The following EML2 variants were observed in gnomAD, a reference collection of about 807,000 sequenced individuals.
The protein encoded by EML2 is EMAP like 2.
A neutral mutation model predicts 84.7 loss-of-function variants in EML2; 59 were observed. The observed-to-expected ratio is 0.70, with a 90% CI of 0.56 to 0.86. The LOEUF (loss-of-function observed/expected upper bound fraction) is 0.86, where lower values mean the gene tolerates loss of function less well. Among genes scored for constraint, EML2 ranks in the 40% least tolerant of loss-of-function variants. The pLI is 0.00. For synonymous variants in EML2, 352 were observed against 348.9 expected (o/e 1.01, Z -0.10); for missense variants, 818 against 855.6 (o/e 0.96, Z 0.55).
At chr19:45,637,390 G>A (rs1973845638) in intron 3 of EML2, among the ~76,000 whole-genome samples, 1 of 151,190 alleles carries the variant, frequency 6.6e-6, no homozygotes, top group Admixed American at 6.6e-5. Flanking sequence ...GAGGCCACTA[G>A]TTGTAAAAAA....
At chr19:45,610,000 G>A (rs1316717395) in intron 18 of EML2, among the ~76,000 whole-genome samples, 2 of 151,832 alleles carry the variant, frequency 1.3e-5, no homozygotes, top group Non-Finnish European at 2.9e-5. Flanking sequence ...CTCCCAAGAA[G>A]TAGCTGGGAT....
At chr19:45,617,293 C>G (rs554391479) in intron 13 of EML2, among the ~76,000 whole-genome samples, 34 of 151,638 alleles carry the variant, frequency 2.2e-4, no homozygotes, top group Non-Finnish European at 4.3e-4. Flanking sequence ...CGGTGGCTCA[C>G]GCCTGTAATC....
chr19:45,630,077 G>C, intron 6 of EML2, 31 bp from the exon 7 acceptor site: 1 of 1,546,928 alleles, frequency 6.5e-7, no homozygotes. Flanking sequence ...GGGGGACAGA[G>C]GCAAGGGGAG....
chr19:45,625,114 C>T (rs184842095), intron 8 of EML2, among the ~76,000 whole-genome samples: 1 of 152,258 alleles, frequency 6.6e-6, no homozygotes, highest in Non-Finnish European at 1.5e-5. Context: ...TCATCTAGAC[C>T]GGAGTGCAGT....
chr19:45,618,742 T>G, intron 12 of EML2: 1 of 157,258 alleles, frequency 6.4e-6, no homozygotes, highest in Non-Finnish European at 1.4e-5. Context: ...AGGTCAGGAG[T>G]TCGAGACCAG....
At chr19:45,642,240 C>T, upstream of EML2, 2 of 1,535,902 alleles carry the variant, frequency 1.3e-6, no homozygotes, top group African/African-American at 1.4e-5. Context: ...GCAGAGCATC[C>T]GCCAGCGCCG....
upstream of EML2, chr19:45,642,289 CG>C: frequency 2.0e-6 from 3 of 1,535,934 alleles, no homozygotes; most frequent in Non-Finnish European, 2.6e-6. Flanking sequence ...TAACTGCAGC[CG>C]CTGCTCCAGC....
chr19:45,643,355 A>T (rs1284384294), upstream of EML2, among the ~76,000 whole-genome samples: 2 of 152,190 alleles, frequency 1.3e-5, no homozygotes, highest in Non-Finnish European at 2.9e-5. Flanking sequence ...AGGGAGATGC[A>T]GACCGGATTG....
In EML2 at chr19:45,628,659, C is replaced by T. The variant is rs1214678741; in HGVS notation, c.606+1292G>A. On this transcript the variant is annotated intron_variant, in intron 7 of 18. Transcript: ENST00000245925. ...CCAACATGGTGAAACCCCGTCTCTA[C>T]TAAAAATACAAAAATTAGCCGGGCA... The T allele has an allele frequency of 2.6e-5, 4 of 151,928 alleles. No individual in the cohort carries two copies. The Admixed American group carries it at 2.6e-4, about 10-fold the overall frequency. 9.4% of individuals were successfully genotyped at this position (151,928 alleles called of 1,614,324 possible). A position where few individuals can be genotyped will look rare whatever the true frequency, so the allele number is the denominator to read the frequency against.
chr19:45,621,788 A>G (rs1971750012), intron 9 of EML2, 151 bp from the exon 10 acceptor site: 15 of 907,410 alleles, frequency 1.7e-5, no homozygotes, highest in Non-Finnish European at 2.3e-5. Context: ...TCTGTTGCCC[A>G]GGCTGGAGTG....
chr19:45,619,108 A>G lies in EML2; in HGVS notation c.1206T>C (p.His402=). ...FVTCGQDKLV[H]LWSSDSHQPL... Reference sequence around the variant, plus strand: ...GCTGGTGGGAATCTGAGCTCCATAGATGCACCAGCTTATCCTGCCCGCAGG... The same window carrying G: ...GCTGGTGGGAATCTGAGCTCCATAGGTGCACCAGCTTATCCTGCCCGCAGG... Residue 402 remains histidine, a synonymous_variant, in exon 12 of 19, where the codon CAT becomes CAC. Coordinates refer to ENST00000245925, the MANE Select transcript of EML2 (RefSeq NM_012155.4). 6.2e-7 allele frequency: 1 copy of G among 1,613,450 alleles called. No homozygotes were observed. Among genetic ancestry groups the G allele is most frequent in the Middle Eastern group, 1.7e-4 (1 of 5,736 alleles).
At chr19:45,627,179 G>A (rs550578615) in intron 7 of EML2, among the ~76,000 whole-genome samples, 9 of 150,924 alleles carry the variant, frequency 6.0e-5, no homozygotes, top group African/African-American at 1.7e-4. Flanking sequence ...GGCTGGTCTC[G>A]AACTCTTTAC....
At chr19:45,631,013 A>T (rs1972964619) in intron 6 of EML2, among the ~76,000 whole-genome samples, 1 of 151,510 alleles carries the variant, frequency 6.6e-6, no homozygotes, top group South Asian at 2.1e-4. Flanking sequence ...TGCCCTCCTA[A>T]TTTTTGTATT....
chr19:45,638,727 C>A (rs987737651), intron 2 of EML2, 93 bp from the exon 3 acceptor site: 147 of 1,586,462 alleles, frequency 9.3e-5, no homozygotes, highest in Non-Finnish European at 1.2e-4. Context: ...TTTTTAAAGG[C>A]AGGGAAACTG....
chr19:45,643,896 AG>A (rs773833563), upstream of EML2, among the ~76,000 whole-genome samples: 2 of 152,198 alleles, frequency 1.3e-5, no homozygotes, highest in Non-Finnish European at 2.9e-5. Context: ...AACTCGTAAC[AG>A]GGGGAAACCT....
At position 45,620,876 on chromosome 19, in the gene EML2, G is replaced by A. The variant is rs1054282750; in HGVS notation, c.1122+331C>T. 114 of 418,650 alleles carry A rather than the reference G, an allele frequency of 2.7e-4. 2 individuals are homozygous for A. Among genetic ancestry groups the A allele is most frequent in the South Asian group, 1.9e-3 (101 of 52,842 alleles). The allele number at this position is 418,650 out of a possible 1,614,324, so 25.9% of individuals were successfully genotyped here. On this transcript the variant is annotated intron_variant, in intron 11 of 18. Transcript: ENST00000245925. ...ACTCCAGCAGGACCTTCCCCAATCCGTGGAGCTGGAGTCTGAGAGGTGTGT... is the reference window on the plus strand; with the variant it reads ...ACTCCAGCAGGACCTTCCCCAATCCATGGAGCTGGAGTCTGAGAGGTGTGT...
At chr19:45,631,342 T>C (rs1159437800) in intron 6 of EML2, among the ~76,000 whole-genome samples, 2 of 152,130 alleles carry the variant, frequency 1.3e-5, no homozygotes, top group Non-Finnish European at 2.9e-5. Flanking sequence ...ACTGGCTGTT[T>C]TTTACTCCCT....
At chr19:45,645,508 G>C, upstream of EML2, 1 of 1,359,836 alleles carries the variant, frequency 7.4e-7, no homozygotes, top group Non-Finnish European at 9.5e-7. Context: ...GTCATCCCCA[G>C]GATGCCCAGA....
In EML2 at chr19:45,613,338, A is replaced by G. The variant is rs550117266; in HGVS notation, c.1824+203T>C. Among the ~76,000 whole-genome samples the G allele has an allele frequency of 9.5e-4, 144 of 152,316 alleles. 2 individuals carry two copies. The highest frequency in any genetic ancestry group is 3.2e-3 in the African/African-American group (135 of 41,570). On this transcript the variant is annotated intron_variant, in intron 18 of 18. Coordinates refer to ENST00000245925, the MANE Select transcript of EML2 (RefSeq NM_012155.4). ...GAATTGCAGTTGCTCAGAACTTCAG[A>G]GAACCAGGTCTTCACCATGACACAC...
Sources: gnomAD v4.1 joint callset for allele counts (sites outside exome capture counted in the v4.1 genomes callset) on GRCh38, gnomAD v4.1.1 for gene constraint, MANE v1.5 for transcripts, NCBI Gene and HGNC (gene_info 2026-07-23, HGNC 2026-07-21) for gene names.